STRAP: variants seen among roughly 807,000 people sequenced by gnomAD.
STRAP encodes serine/threonine kinase receptor associated protein.
A neutral mutation model predicts 47.0 loss-of-function variants in STRAP; 16 were observed. The observed-to-expected ratio is 0.34, with a 90% confidence interval of 0.23 to 0.52. The LOEUF (loss-of-function observed/expected upper bound fraction) is 0.52. Ranked by LOEUF, STRAP falls within the 20% of genes least tolerant of loss-of-function variation. The pLI, the probability that STRAP is intolerant of heterozygous loss-of-function variation, is 0.96. For missense variants in STRAP, 293 were observed against 420.0 expected (o/e 0.70, Z 2.64); for synonymous variants, 130 against 142.7 (o/e 0.91, Z 0.63).
At chr12:15,895,618 TA>T in intron 6 of STRAP, 122 bp downstream of exon 6, 1 of 1,055,922 alleles carries the variant, frequency 9.5e-7, no homozygotes, top group East Asian at 3.0e-5. Flanking sequence ...GGCTTATGCC[TA>T]TAATCGCAGT....
intron 4 of STRAP, among the ~76,000 whole-genome samples, chr12:15,893,371 T>C (rs1014259002): frequency 6.7e-6 from 1 of 150,170 alleles, no homozygotes; most frequent in Non-Finnish European, 1.5e-5. Flanking sequence ...CGTGTTCTTA[T>C]TAAATTATGC....
At chr12:15,889,251 T>G (rs186862318) in intron 2 of STRAP, among the ~76,000 whole-genome samples, 4 of 152,192 alleles carry the variant, frequency 2.6e-5, no homozygotes, top group Admixed American at 1.3e-4. Context: ...CCAACTTGTA[T>G]TTTGGGGTGG....
chr12:15,899,166 C>T (rs962906884), intron 7 of STRAP, among the ~76,000 whole-genome samples: 116 of 152,182 alleles, frequency 7.6e-4, no homozygotes, highest in African/African-American at 2.8e-3. Flanking sequence ...CTTTCTCTTT[C>T]CAAAACCTTG....
chr12:15,883,397 A>G lies in STRAP; in HGVS notation c.113-144A>G. 3 of 891,146 alleles carry G rather than the reference A, an allele frequency of 3.4e-6. No homozygotes were observed. In the East Asian group the frequency reaches 7.9e-5, roughly 24 times the overall value. 55.2% of individuals were successfully genotyped at this position (891,146 alleles called of 1,614,324 possible). On this transcript the variant is annotated intron_variant, in intron 1 of 9. Coordinates refer to ENST00000419869, the MANE Select transcript of STRAP (RefSeq NM_007178.4). ...GTTAATTTATTACTGCACATTCCTTAGTGCCTTCAGTGGGTGGTGGTAGTT... is the reference window on the plus strand; with the variant it reads ...GTTAATTTATTACTGCACATTCCTTGGTGCCTTCAGTGGGTGGTGGTAGTT...
Position 15,902,959 on chromosome 12 carries a change from C to A in STRAP, c.1034C>A (p.Ala345Asp). The A allele has an allele frequency of 6.6e-7, 1 of 1,507,388 alleles. No individual in the cohort carries two copies. The highest frequency in any genetic ancestry group is 1.2e-5 in the South Asian group (1 of 80,620). The allele number at this position is 1,507,388 out of a possible 1,614,324, so 93.4% of individuals were successfully genotyped here. A position where few individuals can be genotyped will look rare whatever the true frequency, so the allele number is the denominator to read the frequency against. The change falls in exon 10 of 10, where the codon GCT becomes GAT. Residue 345 changes from alanine to aspartate, a missense_variant. By Grantham distance (126) the Ala-to-Asp change is moderately radical. Transcript: ENST00000419869. ...SENSDCIFPS[A>D]PDVKA ...AATTCAGATTGCATCTTTCCTTCAGCTCCTGATGTTAAGGCCTGAGCGTCA... is the reference window on the plus strand; with the variant it reads ...AATTCAGATTGCATCTTTCCTTCAGATCCTGATGTTAAGGCCTGAGCGTCA...
Position 15,887,690 on chromosome 12 carries a change from T to C in STRAP, c.249-2238T>C, listed in dbSNP as rs1041637134. Among the ~76,000 whole-genome samples the C allele has an allele frequency of 1.3e-5, 2 of 152,222 alleles. No individual in the cohort carries two copies. Among genetic ancestry groups the C allele is most frequent in the Admixed American group, 6.5e-5 (1 of 15,284 alleles). On this transcript the variant is annotated intron_variant, in intron 2 of 9. Transcript: ENST00000419869. This position sits in a 1 kb window ranked among gnomAD's most constrained non-coding sequence, Gnocchi z 5.5. Reference sequence around the variant, plus strand: ...CTCCAACTCTCTTCTCACCTTTGAATAGACACAGTCTAAGCAGAATCTTAA... The same window carrying C: ...CTCCAACTCTCTTCTCACCTTTGAACAGACACAGTCTAAGCAGAATCTTAA...
intron 7 of STRAP, 75 bp from the exon 8 acceptor site, chr12:15,899,829 C>T (rs1948089083): frequency 1.4e-6 from 2 of 1,387,016 alleles, no homozygotes; most frequent in Non-Finnish European, 2.0e-6. Flanking sequence ...GTAACACAGA[C>T]AGTATTTTTT....
intron 1 of STRAP, among the ~76,000 whole-genome samples, chr12:15,883,327 C>G (rs10734889): frequency 0.82 from 124,129 of 152,174 alleles, 50,889 homozygotes; most frequent in East Asian, 0.92. Context: ...TATTCCCAGC[C>G]AATTACAGAT....
rs1948001041 is a variant in STRAP at position 15,889,960 on chromosome 12, T to G, written c.281T>G (p.Leu94Trp). The G allele has an allele frequency of 6.2e-7, 1 of 1,613,784 alleles. No homozygotes were observed. ...KVWDAVSGDE[L>W]MTLAHKHIVK... Reference sequence around the variant, plus strand: ...TGGGATGCTGTCTCAGGAGATGAATTGATGACCCTGGCTCATAAACACATT... The same window carrying G: ...TGGGATGCTGTCTCAGGAGATGAATGGATGACCCTGGCTCATAAACACATT... The change falls in exon 3 of 10, where the codon TTG becomes TGG. Residue 94 changes from leucine to tryptophan, a missense_variant. Coordinates refer to ENST00000419869, the MANE Select transcript of STRAP (RefSeq NM_007178.4).
In STRAP at chr12:15,890,111, G is replaced by T. The variant is rs1465347638; in HGVS notation, c.330+102G>T. ...TGTGTATATTTGATTGATATGTTTTGTGTGGAATATTTGTTATTTCTTGGT... is the reference window on the plus strand; with the variant it reads ...TGTGTATATTTGATTGATATGTTTTTTGTGGAATATTTGTTATTTCTTGGT... On this transcript the variant is annotated intron_variant, in intron 3 of 9. Transcript: ENST00000419869. This position sits in a 1 kb window ranked among gnomAD's most constrained non-coding sequence, Gnocchi z 4.5. The T allele has an allele frequency of 9.7e-7, 1 of 1,034,624 alleles. No homozygotes were observed. The highest frequency in any genetic ancestry group is 1.6e-5 in the African/African-American group (1 of 62,644). The allele number at this position is 1,034,624 out of a possible 1,614,324, so 64.1% of individuals were successfully genotyped here.
chr12:15,894,211 G>C lies in STRAP; in HGVS notation c.500+68G>C, dbSNP rs1023885222. On this transcript the variant is annotated intron_variant, in intron 5 of 9. Coordinates refer to ENST00000419869, the MANE Select transcript of STRAP (RefSeq NM_007178.4). The surrounding 1 kb of genome is among the most constrained non-coding windows in gnomAD (Gnocchi z 4.9). ...ATGGTGGCTCACGCCTATAATCTCA[G>C]CACTTTGGGAGGCGAGCCGGGTGGA... is the stretch of plus-strand genomic sequence containing the variant. The C allele has an allele frequency of 6.0e-6, 8 of 1,344,492 alleles. No homozygotes were observed. Among genetic ancestry groups the C allele is most frequent in the Non-Finnish European group, 5.3e-6 (5 of 945,694 alleles). The allele number at this position is 1,344,492 out of a possible 1,614,324, so 83.3% of individuals were successfully genotyped here.
intron 6 of STRAP, among the ~76,000 whole-genome samples, chr12:15,895,915 GTT>G (rs1173565418): frequency 7.0e-6 from 1 of 143,392 alleles, no homozygotes; most frequent in Non-Finnish European, 1.5e-5. Context: ...TGTCATTAAT[GTT>G]TTTTACTATA....
rs954088959 is a variant in STRAP at position 15,903,342 on chromosome 12, CTT to C, written c.*367_*368del. 6.1e-6 allele frequency: 1 copy of C among 163,696 alleles called. No homozygotes were observed. The highest frequency in any genetic ancestry group is 1.3e-5 in the Non-Finnish European group (1 of 76,164). 10.1% of individuals were successfully genotyped at this position (163,696 alleles called of 1,614,324 possible). A position where few individuals can be genotyped will look rare whatever the true frequency, so the allele number is the denominator to read the frequency against. ...TTTTTCTGATCTTAAAGCAGAATGC[CTT>C]TTCTTTTTTTGCTTCAGTTGTAAAG... On this transcript the variant is annotated 3_prime_UTR_variant, in exon 10 of 10. Transcript: ENST00000419869.
intron 4 of STRAP, among the ~76,000 whole-genome samples, chr12:15,892,791 T>G: frequency 6.6e-6 from 1 of 152,178 alleles, no homozygotes; most frequent in Admixed American, 6.6e-5. Flanking sequence ...CTGACCTCAC[T>G]TCTTCTATGA....
chr12:15,895,307 T>A, intron 5 of STRAP, 52 bp from the exon 6 acceptor site: 1 of 1,374,460 alleles, frequency 7.3e-7, no homozygotes, highest in Non-Finnish European at 9.6e-7. Flanking sequence ...TTAGAATTTA[T>A]AAACTTTTTT....
At chr12:15,885,431 T>C (rs1947962373) in intron 2 of STRAP, among the ~76,000 whole-genome samples, 1 of 151,006 alleles carries the variant, frequency 6.6e-6, no homozygotes, top group Admixed American at 6.6e-5. Context: ...TCAAGTGATC[T>C]GCCCGCCTTG....
intron 7 of STRAP, 107 bp downstream of exon 7, chr12:15,898,125 T>C: frequency 2.8e-6 from 3 of 1,083,782 alleles, no homozygotes; most frequent in Non-Finnish European, 3.7e-6. Context: ...ATGTTGAAAG[T>C]AAATTTTTCA....
chr12:15,903,073 AAACAG>A lies in STRAP; in HGVS notation c.*96_*100del. On this transcript the variant is annotated 3_prime_UTR_variant, in exon 10 of 10. Transcript: ENST00000419869. ...CAGAGTTACTGTCTGCTTAAGGCAG[AAACAG>A]CAGTAAATAATGAGGAAAATGAATT... 1 of 1,300,874 alleles carries A rather than the reference AAACAG, an allele frequency of 7.7e-7. No homozygotes were observed. Among genetic ancestry groups the A allele is most frequent in the Non-Finnish European group, 1.0e-6 (1 of 975,690 alleles). The allele number at this position is 1,300,874 out of a possible 1,614,324, so 80.6% of individuals were successfully genotyped here.
intron 6 of STRAP, among the ~76,000 whole-genome samples, chr12:15,897,580 T>C (rs1243005574): frequency 6.6e-6 from 1 of 152,160 alleles, no homozygotes; most frequent in Non-Finnish European, 1.5e-5. Flanking sequence ...AATCCCAGTG[T>C]ATTATTCATA....
Sources: allele counts gnomAD v4.1 joint callset (sites outside exome capture counted in the v4.1 genomes callset), GRCh38; gene constraint gnomAD v4.1.1; non-coding constraint Gnocchi (gnomAD v3.1); transcripts MANE v1.5; gene names NCBI Gene and HGNC (gene_info 2026-07-23, HGNC 2026-07-21).